Variants in ERC1 observed in about 807,000 individuals in gnomAD.
The protein encoded by ERC1 is ELKS/RAB6-interacting/CAST family member 1.
ERC1 carries 56 observed loss-of-function variants against 132.0 expected under a neutral mutation model. That is an observed-to-expected ratio of 0.42 (90% CI 0.34 to 0.53). The LOEUF (loss-of-function observed/expected upper bound fraction) is 0.53. Among genes scored for constraint, ERC1 ranks in the 20% least tolerant of loss-of-function variants. The pLI, the probability that ERC1 is intolerant of heterozygous loss-of-function variation, is 0.03. For synonymous variants in ERC1, 478 were observed against 476.1 expected (o/e 1.00, Z -0.05); for missense variants, 1,202 against 1,349.9 (o/e 0.89, Z 1.72).
rs1322433360 is a variant in ERC1 at position 1,331,526 on chromosome 12, G to T, written c.2781-40307G>T. 2.0e-5 allele frequency among the ~76,000 whole-genome samples: 3 copies of T among 152,270 alleles called. No individual in the cohort carries two copies. In the South Asian group the frequency reaches 6.2e-4, roughly 32 times the overall value. On this transcript the variant is annotated intron_variant, in intron 15 of 18. Coordinates refer to ENST00000360905, the MANE Select transcript of ERC1 (RefSeq NM_178040.4). ...GTTCTTGACCCAGGGAGATAGTGGG[G>T]CTGTCACAGAGACCCACTCACAGAG...
intron 18 of ERC1, among the ~76,000 whole-genome samples, chr12:1,477,411 G>A (rs1219126700): frequency 6.6e-6 from 1 of 152,186 alleles, no homozygotes; most frequent in African/African-American, 2.4e-5. Context: ...ACAGTGGACA[G>A]TCTCCTTAGA....
At chr12:1,460,722 G>A (rs1002735237) in intron 18 of ERC1, among the ~76,000 whole-genome samples, 11 of 151,674 alleles carry the variant, frequency 7.3e-5, no homozygotes, top group Non-Finnish European at 1.5e-5. Context: ...TAAGGTGGTG[G>A]TGGTGGTGTT....
rs1032784563 is a variant in ERC1, at chr12:1,137,647, C to T, written c.1570-3973C>T. On this transcript the variant is annotated intron_variant, in intron 7 of 18. Coordinates refer to ENST00000360905, the MANE Select transcript of ERC1 (RefSeq NM_178040.4). ...GGCAGATCACCTGAGGTCAGGAGTT[C>T]GAGACCAGCCTGGCCAACATGGCGA... Among the ~76,000 whole-genome samples the T allele has an allele frequency of 5.3e-5, 8 of 150,762 alleles. No homozygotes were observed. In the East Asian group the frequency reaches 5.9e-4, roughly 11 times the overall value.
intron 11 of ERC1, among the ~76,000 whole-genome samples, chr12:1,184,450 T>A (rs7967946): frequency 0.22 from 33,939 of 152,048 alleles, 4,416 homozygotes; most frequent in Non-Finnish European, 0.3. Flanking sequence ...AAGGACTATT[T>A]GGCGTATTTT....
intron 12 of ERC1, among the ~76,000 whole-genome samples, chr12:1,214,848 A>T (rs1468049529): frequency 6.6e-6 from 1 of 152,196 alleles, no homozygotes; most frequent in Non-Finnish European, 1.5e-5. Flanking sequence ...TAAATAAAAA[A>T]GATAAGAACA....
intron 17 of ERC1, among the ~76,000 whole-genome samples, chr12:1,419,089 G>A (rs1434681166): frequency 3.3e-5 from 5 of 151,746 alleles, no homozygotes; most frequent in Admixed American, 3.3e-4. Context: ...TCTCTTGCTA[G>A]TCTCTGTTAT....
chr12:1,273,975 T>G (rs2078066001), intron 14 of ERC1, among the ~76,000 whole-genome samples: 1 of 152,252 alleles, frequency 6.6e-6, no homozygotes, highest in South Asian at 2.1e-4. Context: ...AAGTAATTTT[T>G]CCTTTAAGAA....
chr12:1,146,307 G>GTTTTTTTT (rs1346178811), intron 8 of ERC1, among the ~76,000 whole-genome samples: 15 of 59,384 alleles, frequency 2.5e-4, no homozygotes, highest in Non-Finnish European at 4.0e-4. Flanking sequence ...GTATTTTACT[G>GTTTTTTTT]GTTTTTTTTT....
At chr12:1,457,341 G>A (rs900574879) in intron 18 of ERC1, among the ~76,000 whole-genome samples, 1 of 152,136 alleles carries the variant, frequency 6.6e-6, no homozygotes, top group Non-Finnish European at 1.5e-5. Flanking sequence ...AACAGAAAAA[G>A]AAATTCCTCC....
chr12:1,232,194 G>A (rs370912357), intron 12 of ERC1, among the ~76,000 whole-genome samples: 7 of 152,196 alleles, frequency 4.6e-5, no homozygotes, highest in Admixed American at 6.5e-5. Context: ...TGTGTGTTGC[G>A]GGTTTCCTTG....
rs751224601 is a variant in ERC1 at position 1,141,713 on chromosome 12, C to G, written c.1663C>G (p.Gln555Glu). Residue 555 changes from glutamine to glutamate, a missense_variant, in exon 8 of 19, where the codon CAA becomes GAA. By Grantham distance (29) the Gln-to-Glu change is conservative (BLOSUM62 2). Transcript: ENST00000360905. ...IQDMAEEKGT[Q>E]AGEIHDLKDM... is the part of the protein sequence containing the mutation. The stretch of plus-strand genomic sequence containing the variant: ...GGATATGGCTGAAGAGAAGGGGACA[C>G]AAGCTGGAGAGATACATGACCTCAA... 2 of 1,613,240 alleles carry G rather than the reference C, an allele frequency of 1.2e-6. No individual in the cohort carries two copies. Among genetic ancestry groups the G allele is most frequent in the East Asian group, 4.5e-5 (2 of 44,836 alleles).
intron 14 of ERC1, among the ~76,000 whole-genome samples, chr12:1,264,443 A>G (rs1388291400): frequency 6.6e-6 from 1 of 152,242 alleles, no homozygotes; most frequent in Admixed American, 6.5e-5. Context: ...CGGGCGGATC[A>G]CTTGAGGTCA....
chr12:1,490,810 G>A lies in ERC1; in HGVS notation c.*580G>A, dbSNP rs1290914756. 1 of 233,422 alleles carries A rather than the reference G, an allele frequency of 4.3e-6. No homozygotes were observed. Among genetic ancestry groups the A allele is most frequent in the Non-Finnish European group, 8.5e-6 (1 of 118,318 alleles). 14.5% of individuals were successfully genotyped at this position (233,422 alleles called of 1,614,324 possible). On this transcript the variant is annotated 3_prime_UTR_variant, in exon 19 of 19. Transcript: ENST00000360905. Reference sequence around the variant, plus strand: ...TCCACATGAGATGCTTTGTACCGGGGAGCTGTGAGCAGGCCTCACGATGGC... The same window carrying A: ...TCCACATGAGATGCTTTGTACCGGGAAGCTGTGAGCAGGCCTCACGATGGC...
At chr12:1,480,576 A>G (rs1333289284) in intron 18 of ERC1, among the ~76,000 whole-genome samples, 11 of 152,234 alleles carry the variant, frequency 7.2e-5, no homozygotes, top group Admixed American at 6.5e-4. Context: ...AAGGCAATAA[A>G]TGGAAGGGGA....
chr12:1,446,077 T>C (rs1381971880), intron 18 of ERC1, among the ~76,000 whole-genome samples: 1 of 152,084 alleles, frequency 6.6e-6, no homozygotes. Flanking sequence ...GATTTCACCA[T>C]ATGAATTGAG....
intron 12 of ERC1, among the ~76,000 whole-genome samples, chr12:1,198,958 G>T (rs1956609180): frequency 1.5e-5 from 2 of 137,576 alleles, no homozygotes; most frequent in South Asian, 4.7e-4. Flanking sequence ...ATGAGATTTG[G>T]GTGGGGACAA....
intron 15 of ERC1, among the ~76,000 whole-genome samples, chr12:1,353,912 T>C (rs1439500109): frequency 6.6e-6 from 1 of 152,218 alleles, no homozygotes; most frequent in African/African-American, 2.4e-5. Context: ...ATCTTTAACA[T>C]GTTTTATCTC....
chr12:1,360,556 G>A (rs1052337327), intron 15 of ERC1, among the ~76,000 whole-genome samples: 1 of 151,978 alleles, frequency 6.6e-6, no homozygotes, highest in Non-Finnish European at 1.5e-5. Flanking sequence ...CACAAGACTT[G>A]GTGTCAAAAT....
chr12:996,249 CTTTTTTT>C (rs35403554), intron 1 of ERC1, among the ~76,000 whole-genome samples: 1 of 43,768 alleles, frequency 2.3e-5, no homozygotes, highest in Non-Finnish European at 4.3e-5. Flanking sequence ...CCATGCCTGG[CTTTTTTT>C]TTTTTTTTTT....
Sources: gnomAD v4.1 joint callset for allele counts (sites outside exome capture counted in the v4.1 genomes callset) on GRCh38, gnomAD v4.1.1 for gene constraint, MANE v1.5 for transcripts, NCBI Gene and HGNC (gene_info 2026-07-23, HGNC 2026-07-21) for gene names.